Variants in PSMG4 observed in about 807,000 individuals in gnomAD.
PSMG4 encodes the protein proteasome assembly chaperone 4.
Under a neutral mutation model 11.0 loss-of-function variants are expected in PSMG4, and 10 were observed. The observed-to-expected ratio is 0.91, with a 90% confidence interval of 0.56 to 1.54. The LOEUF is 1.54. Among genes scored for constraint, PSMG4 ranks in the 40% most tolerant of loss-of-function variants. The probability of loss-of-function intolerance (pLI) is 0.00; values close to 1 mark genes in which losing one functional copy is unlikely to be tolerated. For synonymous variants in PSMG4, 95 were observed against 71.3 expected, an observed-to-expected ratio of 1.33 and a Z score of -1.68; for missense variants, 198 against 160.9, an observed-to-expected ratio of 1.23 and a Z score of -1.25.
intron 2 of PSMG4, chr6:3,264,004 T>G: frequency 1.5e-6 from 2 of 1,316,804 alleles, no homozygotes; most frequent in Non-Finnish European, 2.0e-6. Context: ...TCCTTGGGTG[T>G]GTCCTTGAGT....
At chr6:3,255,016 G>C (rs964079419), upstream of PSMG4, 13 of 1,546,158 alleles carry the variant, frequency 8.4e-6, no homozygotes, top group African/African-American at 1.4e-5. Context: ...ATGTGGGAGC[G>C]CTGGGATAAT....
At chr6:3,258,054 G>A (rs1433017113), upstream of PSMG4, among the ~76,000 whole-genome samples, 3 of 127,986 alleles carry the variant, frequency 2.3e-5, no homozygotes, top group African/African-American at 7.6e-5. Flanking sequence ...AGTTGTAACA[G>A]AATCTGACAA....
chr6:3,262,651 G>T (rs941654406), intron 1 of PSMG4, among the ~76,000 whole-genome samples: 5 of 152,090 alleles, frequency 3.3e-5, no homozygotes, highest in African/African-American at 1.2e-4. Context: ...AGTTGGGGTG[G>T]CAGGGGAACC....
chr6:3,255,393 CAT>C (rs1006909171), upstream of PSMG4, among the ~76,000 whole-genome samples: 1 of 152,182 alleles, frequency 6.6e-6, no homozygotes, highest in African/African-American at 2.4e-5. Flanking sequence ...TGAGTGATAA[CAT>C]GACAAGGATT....
chr6:3,257,837 CTATA>C (rs1300609313), upstream of PSMG4, among the ~76,000 whole-genome samples: 3 of 152,270 alleles, frequency 2.0e-5, no homozygotes, highest in South Asian at 2.1e-4. Context: ...AATTTGTACA[CTATA>C]TATGTGCAGT....
At position 3,264,163 on chromosome 6, in the gene PSMG4, C is replaced by T. The variant is rs147768133; in HGVS notation, c.250+404C>T. On this transcript the variant is annotated intron_variant, in intron 2 of 2. Transcript: ENST00000438998. ...AGTGCAGCTGGTGGAGCAGGTGTCA[C>T]CTCTGTGCAGGAAGGACTGTCCTCA... 5.8e-4 allele frequency: 899 copies of T among 1,549,332 alleles called. 5 individuals carry two copies. In the African/African-American group the frequency reaches 0.011, roughly 19 times the overall value.
At chr6:3,266,658 TATTG>T (rs1758192542) in intron 2 of PSMG4, 1 of 152,180 alleles carries the variant, frequency 6.6e-6, no homozygotes, top group African/African-American at 2.4e-5. Context: ...AGCCATTTTC[TATTG>T]ATTCTGTAGA....
intron 1 of PSMG4, among the ~76,000 whole-genome samples, chr6:3,261,589 G>C (rs1757992430): frequency 6.6e-6 from 1 of 152,198 alleles, no homozygotes; most frequent in African/African-American, 2.4e-5. Flanking sequence ...AAAGGAACAG[G>C]GGATTGATTG....
upstream of PSMG4, chr6:3,258,772 G>A (rs1197632603): frequency 8.4e-6 from 3 of 355,632 alleles, no homozygotes; most frequent in African/African-American, 2.1e-5. Flanking sequence ...AGAGGTACTG[G>A]TGTGCGGGAG....
chr6:3,260,111 GT>G (rs11284443), intron 1 of PSMG4, among the ~76,000 whole-genome samples: 128,574 of 150,968 alleles, frequency 0.85, 54,958 homozygotes, highest in Non-Finnish European at 0.88. Context: ...GGCTAATTGT[GT>G]TTTTTTGTAG....
Position 3,267,795 on chromosome 6 carries a change from C to T in PSMG4, c.*83C>T. 1.4e-6 allele frequency: 2 copies of T among 1,389,430 alleles called. No homozygotes were observed. Among genetic ancestry groups the T allele is most frequent in the East Asian group, 2.6e-5 (1 of 38,940 alleles). 86.1% of individuals were successfully genotyped at this position (1,389,430 alleles called of 1,614,324 possible). A position where few individuals can be genotyped will look rare whatever the true frequency, so the allele number is the denominator to read the frequency against. ...GATTGAATTTCAGTTTGTCATCAGG[C>T]CGCGCTCCCGTTTTGTTTTTAAGGG... On this transcript the variant is annotated 3_prime_UTR_variant, in exon 3 of 3. Transcript: ENST00000438998.
chr6:3,258,779 G>A (rs1757847545), upstream of PSMG4: 1 of 365,078 alleles, frequency 2.7e-6, no homozygotes, highest in Non-Finnish European at 4.9e-6. Context: ...CTGGTGTGCG[G>A]GAGAGGCCAG....
chr6:3,264,630 G>A, intron 2 of PSMG4: 1 of 259,870 alleles, frequency 3.8e-6, no homozygotes, highest in East Asian at 7.2e-5. Flanking sequence ...GGAGGGCACA[G>A]GTCAGCATTT....
In PSMG4 at chr6:3,263,025, C is replaced by T. The variant is rs113233477; in HGVS notation, c.175-659C>T. On this transcript the variant is annotated intron_variant, in intron 1 of 2. Coordinates refer to ENST00000438998, the MANE Select transcript of PSMG4 (RefSeq NM_001128591.2). The stretch of plus-strand genomic sequence containing the variant: ...TAGTTGGGAGCAGTTACTCCCACAT[C>T]GCCGGAGGGCCCATTTGTTGATCTG... Among the ~76,000 whole-genome samples, 5 of 152,292 alleles carry T rather than the reference C, an allele frequency of 3.3e-5. No individual in the cohort carries two copies. In the Middle Eastern group the frequency reaches 0.01, roughly 311 times the overall value.
Position 3,267,819 on chromosome 6 carries a change from G to T in PSMG4, c.*107G>T. 1 of 1,198,648 alleles carries T rather than the reference G, an allele frequency of 8.3e-7. No homozygotes were observed. The allele number at this position is 1,198,648 out of a possible 1,614,324, so 74.3% of individuals were successfully genotyped here. On this transcript the variant is annotated 3_prime_UTR_variant, in exon 3 of 3. Transcript: ENST00000438998. ...GCCGCGCTCCCGTTTTGTTTTTAAG[G>T]GGTTAATCTTTTGAGCTTCCTTCTC...
At chr6:3,257,813 C>T (rs899933290), upstream of PSMG4, among the ~76,000 whole-genome samples, 1 of 152,156 alleles carries the variant, frequency 6.6e-6, no homozygotes. Context: ...CTGGCTATAA[C>T]GTGTCAAGAC....
chr6:3,264,027 T>G (rs1406310254), intron 2 of PSMG4: 6 of 1,360,952 alleles, frequency 4.4e-6, no homozygotes, highest in Admixed American at 5.5e-5. Context: ...ATGAGCTGAT[T>G]TAGTTGCCTT....
rs547078877 is a variant in PSMG4, at chr6:3,265,972, C to T, written c.251-1619C>T. On this transcript the variant is annotated intron_variant, in intron 2 of 2. Transcript: ENST00000438998. Reference sequence around the variant, plus strand: ...GCTTTACCGAGACGTAAACACATGTCATACAATTCAGCAGCTGTCCTCAGG... The same window carrying T: ...GCTTTACCGAGACGTAAACACATGTTATACAATTCAGCAGCTGTCCTCAGG... 1.1e-3 allele frequency: 170 copies of T among 151,130 alleles called. 2 individuals carry two copies. The highest frequency in any genetic ancestry group is 3.9e-3 in the African/African-American group (160 of 41,030). 9.4% of individuals were successfully genotyped at this position (151,130 alleles called of 1,614,324 possible).
At chr6:3,255,031 C>G (rs554011033), upstream of PSMG4, 16 of 1,549,270 alleles carry the variant, frequency 1.0e-5, no homozygotes, top group Admixed American at 2.0e-5. Flanking sequence ...GATAATGGCG[C>G]TTTCTGATTC....
Sources: allele counts gnomAD v4.1 joint callset (sites outside exome capture counted in the v4.1 genomes callset), GRCh38; gene constraint gnomAD v4.1.1; transcripts MANE v1.5; gene names NCBI Gene and HGNC (gene_info 2026-07-23, HGNC 2026-07-21).